The following WWOX variants were observed in gnomAD, a reference collection of about 807,000 sequenced individuals.
WWOX encodes the protein WW domain-containing oxidoreductase.
Under a neutral mutation model 46.2 loss-of-function variants are expected in WWOX, and 69 were observed. That is an observed-to-expected ratio of 1.49 (90% CI 1.23 to 1.82). The LOEUF is 1.82. WWOX is among the 40% of genes most tolerant of loss of function. The pLI is 0.00. For missense variants in WWOX, 919 were observed against 542.6 expected, an observed-to-expected ratio of 1.69 and a Z score of -6.89; for synonymous variants, 359 against 202.6, an observed-to-expected ratio of 1.77 and a Z score of -6.56.
At chr16:78,702,870 G>C (rs1019074956) in intron 8 of WWOX, among the ~76,000 whole-genome samples, 8 of 152,104 alleles carry the variant, frequency 5.3e-5, no homozygotes, top group African/African-American at 1.9e-4. Context: ...GTTAAATCCT[G>C]CTTTGCTCAC....
At chr16:79,073,150 GTTATTATTATTATTATTATTA>G (rs58438039) in intron 8 of WWOX, among the ~76,000 whole-genome samples, 4 of 143,116 alleles carry the variant, frequency 2.8e-5, no homozygotes, top group Non-Finnish European at 6.0e-5. Context: ...GTAGTTATTC[GTTATTATTATTATTATTATTA>G]TTATTATTAT....
At chr16:78,466,651 G>T (rs963018461) in intron 8 of WWOX, among the ~76,000 whole-genome samples, 24 of 151,980 alleles carry the variant, frequency 1.6e-4, no homozygotes, top group African/African-American at 5.8e-4. Flanking sequence ...CCAACATGGT[G>T]AAACCCTGTC....
chr16:78,182,508 G>C (rs1011020602), intron 5 of WWOX, among the ~76,000 whole-genome samples: 1 of 151,906 alleles, frequency 6.6e-6, no homozygotes, highest in South Asian at 2.1e-4. Context: ...GTGAGTCTCT[G>C]TTCAAGGGTA....
intron 5 of WWOX, among the ~76,000 whole-genome samples, chr16:78,302,011 A>G (rs2080050362): frequency 1.3e-5 from 2 of 149,350 alleles, no homozygotes; most frequent in African/African-American, 2.5e-5. Context: ...CCCAGGCTGG[A>G]GTGCGATGGC....
intron 8 of WWOX, among the ~76,000 whole-genome samples, chr16:79,014,817 T>C (rs747209534): frequency 4.6e-5 from 7 of 152,218 alleles, no homozygotes; most frequent in Non-Finnish European, 7.3e-5. Flanking sequence ...TTTCCTACTT[T>C]TGTTCAACTT....
intron 8 of WWOX, among the ~76,000 whole-genome samples, chr16:78,834,728 AG>A (rs1374620640): frequency 6.6e-6 from 1 of 152,198 alleles, no homozygotes; most frequent in Non-Finnish European, 1.5e-5. Flanking sequence ...ACAGGTACAA[AG>A]GGGATACAGA....
chr16:78,977,765 C>T (rs901378224), intron 8 of WWOX, among the ~76,000 whole-genome samples: 3 of 152,038 alleles, frequency 2.0e-5, no homozygotes, highest in Admixed American at 2.0e-4. Context: ...GACCCCCTTC[C>T]TAGGATCCCA....
At chr16:78,386,532 A>C (rs2082063618) in intron 5 of WWOX, among the ~76,000 whole-genome samples, 1 of 151,964 alleles carries the variant, frequency 6.6e-6, no homozygotes, top group Non-Finnish European at 1.5e-5. Flanking sequence ...TCCCCTCCTT[A>C]CAGCGTTTTA....
At chr16:79,153,391 A>T (rs1036423956) in intron 8 of WWOX, among the ~76,000 whole-genome samples, 3 of 152,128 alleles carry the variant, frequency 2.0e-5, no homozygotes, top group Non-Finnish European at 4.4e-5. Context: ...TGCTGTGGGT[A>T]CTTACTTAGG....
intron 8 of WWOX, among the ~76,000 whole-genome samples, chr16:79,118,090 C>G (rs1490248348): frequency 1.3e-5 from 2 of 152,244 alleles, no homozygotes; most frequent in African/African-American, 4.8e-5. Flanking sequence ...CAGTTTTCGA[C>G]ATGGCTTTCT....
intron 8 of WWOX, among the ~76,000 whole-genome samples, chr16:79,075,221 C>T (rs2048632482): frequency 6.6e-6 from 1 of 152,180 alleles, no homozygotes; most frequent in African/African-American, 2.4e-5. Flanking sequence ...TTCTGCTCAG[C>T]CCTAAGTTTG....
At chr16:78,408,136 G>A (rs1482981848) in intron 6 of WWOX, among the ~76,000 whole-genome samples, 1 of 152,160 alleles carries the variant, frequency 6.6e-6, no homozygotes, top group East Asian at 1.9e-4. Context: ...TTTAAAGACT[G>A]AAAGCCAAGC....
chr16:78,526,158 G>A (rs530558173), intron 8 of WWOX: 7 of 152,342 alleles, frequency 4.6e-5, no homozygotes, highest in South Asian at 2.1e-4. Context: ...CAGAGATCCC[G>A]AGGAAGGGCT....
chr16:78,380,340 C>A (rs2151928836), intron 5 of WWOX, among the ~76,000 whole-genome samples: 1 of 152,306 alleles, frequency 6.6e-6, no homozygotes, highest in African/African-American at 2.4e-5. Flanking sequence ...CTTGATGCGG[C>A]TGTGCATGAG....
intron 8 of WWOX, among the ~76,000 whole-genome samples, chr16:78,893,703 C>G (rs939634159): frequency 6.6e-6 from 1 of 152,194 alleles, no homozygotes; most frequent in Admixed American, 6.5e-5. Flanking sequence ...CCTTCTAGCA[C>G]TTCTGTGAAC....
At chr16:78,319,053 T>C (rs1005256671) in intron 5 of WWOX, among the ~76,000 whole-genome samples, 2 of 152,138 alleles carry the variant, frequency 1.3e-5, no homozygotes, top group Admixed American at 1.3e-4. Flanking sequence ...GGTTATCTGG[T>C]TGGGCACAGT....
At chr16:78,773,096 CAGTGGCTAGTG>C (rs1409652206) in intron 8 of WWOX, among the ~76,000 whole-genome samples, 1 of 152,200 alleles carries the variant, frequency 6.6e-6, no homozygotes, top group Non-Finnish European at 1.5e-5. Flanking sequence ...GTAACTTGCT[CAGTGGCTAGTG>C]AGTGGCTAGA....
chr16:78,627,555 A>C (rs529180403), intron 8 of WWOX, among the ~76,000 whole-genome samples: 1 of 152,340 alleles, frequency 6.6e-6, no homozygotes, highest in South Asian at 2.1e-4. Context: ...TTCTGTTGGA[A>C]ATCTTTGTAA....
intron 8 of WWOX, among the ~76,000 whole-genome samples, chr16:78,456,143 C>T (rs2083811707): frequency 6.6e-6 from 1 of 152,186 alleles, no homozygotes; most frequent in Admixed American, 6.5e-5. Context: ...AGCTCTAAAT[C>T]CCTGCCACCC....
Sources: allele counts gnomAD v4.1 joint callset (sites outside exome capture counted in the v4.1 genomes callset), GRCh38; gene constraint gnomAD v4.1.1; transcripts MANE v1.5; gene names NCBI Gene and HGNC (gene_info 2026-07-23, HGNC 2026-07-21).